Variants in ZNF343 observed in about 807,000 individuals in gnomAD.
The protein encoded by ZNF343 is zinc finger protein 343.
In ZNF343, 11 loss-of-function variants were observed where a neutral mutation model predicts 13.8. The ratio of observed to expected loss-of-function variants is 0.80; its 90% CI spans 0.50 to 1.32. ZNF343 has a LOEUF of 1.32. ZNF343 is among the 40% of genes most tolerant of loss of function. The pLI, the probability that ZNF343 is intolerant of heterozygous loss-of-function variation, is 0.00. For missense variants in ZNF343, 658 were observed against 714.2 expected (o/e 0.92, Z 0.90); for synonymous variants, 248 against 260.0 (o/e 0.95, Z 0.44).
intron 5 of ZNF343, among the ~76,000 whole-genome samples, chr20:2,488,891 AAAC>A (rs1392241238): frequency 1.3e-5 from 2 of 152,152 alleles, no homozygotes; most frequent in African/African-American, 4.8e-5. Context: ...CTAAAAATAC[AAAC>A]AATTAGCTGG....
chr20:2,514,172 G>A (rs2085749751), intron 1 of ZNF343, among the ~76,000 whole-genome samples: 1 of 152,182 alleles, frequency 6.6e-6, no homozygotes, highest in Non-Finnish European at 1.5e-5. Flanking sequence ...TGATGGTTGG[G>A]CAATATTGTG....
chr20:2,498,373 G>A (rs952898426), intron 2 of ZNF343, among the ~76,000 whole-genome samples: 1 of 152,182 alleles, frequency 6.6e-6, no homozygotes, highest in East Asian at 1.9e-4. Context: ...AATAAAAAGT[G>A]CTTTGGTGCT....
rs971231131 is a variant in ZNF343 at position 2,508,162 on chromosome 20, C to T, written c.-237+719G>A. Among the ~76,000 whole-genome samples, 1 of 152,086 alleles carries T rather than the reference C, an allele frequency of 6.6e-6. No individual in the cohort carries two copies. The highest frequency in any genetic ancestry group is 2.4e-5 in the African/African-American group (1 of 41,370). ...ATGCCTGTCAGAGTGATACAGCCCA[C>T]CACTATCAGAGGACGAAACCTCCCT... On this transcript the variant is annotated intron_variant, in intron 1 of 5. Transcript: ENST00000278772. This position sits in a 1 kb window ranked among gnomAD's most constrained non-coding sequence, Gnocchi z 4.5.
intron 1 of ZNF343, among the ~76,000 whole-genome samples, chr20:2,514,907 T>C (rs2085752703): frequency 6.6e-6 from 1 of 151,790 alleles, no homozygotes; most frequent in Admixed American, 6.6e-5. Context: ...GAGAATTGCT[T>C]GAACTCAGGA....
intron 1 of ZNF343, among the ~76,000 whole-genome samples, chr20:2,523,650 C>G (rs1160319259): frequency 3.4e-5 from 5 of 147,928 alleles, no homozygotes; most frequent in African/African-American, 1.2e-4. Context: ...CCTTTTCCAG[C>G]TAAACCCCAC....
chr20:2,490,073 GGAAA>G (rs1335589748), intron 5 of ZNF343, among the ~76,000 whole-genome samples: 1 of 152,054 alleles, frequency 6.6e-6, no homozygotes, highest in Non-Finnish European at 1.5e-5. Context: ...AATGGAAAGA[GGAAA>G]GAAAGAGAGA....
intron 1 of ZNF343, among the ~76,000 whole-genome samples, chr20:2,515,237 C>T (rs961813485): frequency 3.9e-5 from 6 of 152,258 alleles, no homozygotes; most frequent in East Asian, 1.9e-4. Flanking sequence ...AAGACACCTT[C>T]GTCTTATTAT....
chr20:2,516,853 T>C (rs2085761489), intron 1 of ZNF343, among the ~76,000 whole-genome samples: 1 of 151,918 alleles, frequency 6.6e-6, no homozygotes, highest in Non-Finnish European at 1.5e-5. Context: ...CAGAAAGTGT[T>C]AGGGTAAAGG....
chr20:2,489,767 G>C (rs1286801737), intron 5 of ZNF343, among the ~76,000 whole-genome samples: 2 of 152,132 alleles, frequency 1.3e-5, no homozygotes, highest in Admixed American at 1.3e-4. Context: ...CCCTGTGAAG[G>C]CTTTAAAGAT....
Position 2,496,363 on chromosome 20 carries a change from T to C in ZNF343, c.-149-2319A>G, listed in dbSNP as rs73892463. ...GCTATTTCAGAAATAACAAGTTCAC[T>C]GTGGCAGGAGGGTGTAAGTGAAACA... On this transcript the variant is annotated intron_variant, in intron 2 of 5. Transcript: ENST00000278772. Among the ~76,000 whole-genome samples, 1,513 of 152,278 alleles carry C rather than the reference T, an allele frequency of 9.9e-3. 18 individuals are homozygous for C. Among genetic ancestry groups the C allele is most frequent in the African/African-American group, 0.034 (1,427 of 41,546 alleles).
intron 5 of ZNF343, among the ~76,000 whole-genome samples, chr20:2,486,191 C>T (rs1289567235): frequency 1.3e-5 from 2 of 152,114 alleles, no homozygotes; most frequent in African/African-American, 2.4e-5. Context: ...GAAGAAATCT[C>T]ATTTGTGTCT....
In ZNF343 at chr20:2,484,160, C is replaced by A; in HGVS notation, c.801G>T (p.Lys267Asn). Residue 267 changes from lysine (K) to asparagine (N), a missense_variant, in exon 6 of 6, where the codon AAG (lysine) becomes AAT (asparagine). Lys to Asn is a moderately conservative substitution (Grantham distance 94). Transcript: ENST00000278772. ...ITNPRTLLGK[K>N]PYICSDCGRS... ...GCCCACAATCACTGCAAATGTAGGG[C>A]TTCTTCCCTAAGAGGGTCCTCGGGT... The A allele has an allele frequency of 6.2e-7, 1 of 1,614,228 alleles. No homozygotes were observed. The highest frequency in any genetic ancestry group is 8.5e-7 in the Non-Finnish European group (1 of 1,180,044).
chr20:2,492,566 C>T, intron 5 of ZNF343, 133 bp downstream of exon 5: 1 of 1,014,770 alleles, frequency 9.9e-7, no homozygotes, highest in Non-Finnish European at 1.4e-6. Context: ...GAAAGTAAGC[C>T]CCATGGAGGC....
chr20:2,494,124 T>C (rs1015378036), intron 2 of ZNF343, 80 bp from the exon 3 acceptor site: 13 of 493,848 alleles, frequency 2.6e-5, no homozygotes, highest in Admixed American at 6.9e-5. Context: ...ACAGGGATCC[T>C]GTCCTCTCAC....
At position 2,518,931 on chromosome 20, in the gene ZNF343, T is replaced by C. The variant is rs2085771254; in HGVS notation, c.-347+5524A>G. On this transcript the variant is annotated intron_variant, in intron 1 of 6. Transcript: ENST00000358413. This position sits in a 1 kb window ranked among gnomAD's most constrained non-coding sequence, Gnocchi z 4.6. ...AGTGAGTTCTCACAAGATCTGATGGTTTAAAAGTGTTTGGCAGTTCCCTGC... is the reference window on the plus strand; with the variant it reads ...AGTGAGTTCTCACAAGATCTGATGGCTTAAAAGTGTTTGGCAGTTCCCTGC... Among the ~76,000 whole-genome samples, 1 of 152,158 alleles carries C rather than the reference T, an allele frequency of 6.6e-6. No individual in the cohort carries two copies. Among genetic ancestry groups the C allele is most frequent in the South Asian group, 2.1e-4 (1 of 4,834 alleles).
At chr20:2,501,499 T>A (rs1204780019) in intron 1 of ZNF343, among the ~76,000 whole-genome samples, 3 of 152,180 alleles carry the variant, frequency 2.0e-5, no homozygotes. Flanking sequence ...GATCTGAGAA[T>A]GGACAGACTG....
intron 1 of ZNF343, among the ~76,000 whole-genome samples, chr20:2,506,899 A>G (rs1020837129): frequency 2.6e-5 from 4 of 152,000 alleles, no homozygotes. Flanking sequence ...TACATACGTA[A>G]CTAACCTGCA....
At chr20:2,509,807 C>G (rs923322453), upstream of ZNF343, among the ~76,000 whole-genome samples, 1 of 152,234 alleles carries the variant, frequency 6.6e-6, no homozygotes, top group East Asian at 1.9e-4. Flanking sequence ...ATGGCAAATA[C>G]AAATTGAATT....
rs747243820 is a variant in ZNF343 at position 2,484,188 on chromosome 20, G to A, written c.773C>T (p.Thr258Ile). ...CTTCCCTAAGAGGGTCCTCGGGTTT[G>A]TAATAAAGTTTGATTCCAGGTTATG... is the stretch of plus-strand genomic sequence containing the variant. Reference protein sequence around the residue: ...PDHNLESNFITNPRTLLGKKP... With the variant: ...PDHNLESNFIINPRTLLGKKP... The change falls in exon 6 of 6, where the codon ACA becomes ATA. Residue 258 changes from threonine (T) to isoleucine (I), a missense_variant. Physicochemically the swap from Thr to Ile is moderately conservative, Grantham distance 89. Transcript: ENST00000278772. 2 of 1,614,242 alleles carry A rather than the reference G, an allele frequency of 1.2e-6. No individual in the cohort carries two copies. Among genetic ancestry groups the A allele is most frequent in the Admixed American group, 3.3e-5 (2 of 60,030 alleles).
Sources: allele counts gnomAD v4.1 joint callset (sites outside exome capture counted in the v4.1 genomes callset), GRCh38; gene constraint gnomAD v4.1.1; non-coding constraint Gnocchi (gnomAD v3.1); transcripts MANE v1.5; gene names NCBI Gene and HGNC (gene_info 2026-07-23, HGNC 2026-07-21).